The following C6orf58 variants were observed in gnomAD, a reference collection of about 807,000 sequenced individuals.
C6orf58 encodes the protein chromosome 6 open reading frame 58.
In C6orf58, 30 loss-of-function variants were observed where a neutral mutation model predicts 37.0. That is an observed-to-expected ratio of 0.81 (90% CI 0.61 to 1.10). The LOEUF (loss-of-function observed/expected upper bound fraction) is 1.10, where lower values mean the gene tolerates loss of function less well. Among genes scored for constraint, C6orf58 ranks in the 50% least tolerant of loss-of-function variants. The pLI is 0.00. For missense variants in C6orf58, 368 were observed against 387.5 expected (o/e 0.95, Z 0.42); for synonymous variants, 143 against 134.1 (o/e 1.07, Z -0.46).
At position 127,589,856 on chromosome 6, in the gene C6orf58, T is replaced by C. The variant is rs1482104597; in HGVS notation, c.675-231T>C. 2.6e-5 allele frequency among the ~76,000 whole-genome samples: 4 copies of C among 152,254 alleles called. No homozygotes were observed. In the East Asian group the frequency reaches 7.7e-4, roughly 29 times the overall value. ...CTGAATTAAAGAAGATAAAATGCAA[T>C]GTAAAATGTAAACAATTAGTGAGAT... On this transcript the variant is annotated intron_variant, in intron 4 of 5. Transcript: ENST00000329722.
chr6:127,590,211 C>T lies in C6orf58; in HGVS notation c.799C>T (p.Pro267Ser), dbSNP rs1775147650. 6.2e-7 allele frequency: 1 copy of T among 1,613,512 alleles called. No homozygotes were observed. The change falls in exon 5 of 6, where the codon CCA becomes TCA. Residue 267 changes from proline (P) to serine (S), a missense_variant. Transcript: ENST00000329722. ...IRSYKFQKGMPPRILLNTDVA... is the reference protein window; with the variant it reads ...IRSYKFQKGMSPRILLNTDVA... Reference sequence around the variant, plus strand: ...ATCATATAAGTTCCAGAAGGGCATGCCACCACGAATTCTTCTTAATACTGA... The same window carrying T: ...ATCATATAAGTTCCAGAAGGGCATGTCACCACGAATTCTTCTTAATACTGA...
At chr6:127,591,491 A>C (rs1000773437) in intron 5 of C6orf58, 52 bp from the exon 6 acceptor site, 1 of 1,443,574 alleles carries the variant, frequency 6.9e-7, no homozygotes, top group Non-Finnish European at 9.2e-7. Flanking sequence ...GCCAAAAGGT[A>C]CTTTAAAAAA....
Position 127,590,128 on chromosome 6 carries a change from G to T in C6orf58, c.716G>T (p.Ser239Ile), listed in dbSNP as rs748158523. The T allele has an allele frequency of 3.7e-6, 6 of 1,613,288 alleles. No homozygotes were observed. Among genetic ancestry groups the T allele is most frequent in the Non-Finnish European group, 5.1e-6 (6 of 1,179,514 alleles). ...YSKAEAHFER[S>I]WVLAVDHLAA... ...AAAGCAGAAGCGCATTTTGAGAGAAGTTGGGTACTGGCTGTGGATCATTTA... is the reference window on the plus strand; with the variant it reads ...AAAGCAGAAGCGCATTTTGAGAGAATTTGGGTACTGGCTGTGGATCATTTA... Residue 239 changes from serine (S) to isoleucine (I), a missense_variant, in exon 5 of 6, where the codon AGT (serine) becomes ATT (isoleucine). Physicochemically the swap from Ser to Ile is moderately radical, Grantham distance 142. Coordinates refer to ENST00000329722, the MANE Select transcript of C6orf58 (RefSeq NM_001010905.3).
At chr6:127,583,282 T>C (rs1213613443) in intron 4 of C6orf58, among the ~76,000 whole-genome samples, 1 of 152,158 alleles carries the variant, frequency 6.6e-6, no homozygotes, top group Non-Finnish European at 1.5e-5. Flanking sequence ...ATCTCTAAGA[T>C]CATGTGAGGA....
chr6:127,577,768 T>C (rs1197948593), intron 1 of C6orf58, among the ~76,000 whole-genome samples: 1 of 152,102 alleles, frequency 6.6e-6, no homozygotes, highest in Non-Finnish European at 1.5e-5. Context: ...TTCACAAATA[T>C]TTGTTGAAGT....
intron 5 of C6orf58, among the ~76,000 whole-genome samples, chr6:127,591,192 A>G (rs917274144): frequency 1.3e-5 from 2 of 152,136 alleles, no homozygotes; most frequent in African/African-American, 4.8e-5. Flanking sequence ...CTTTTTCCCA[A>G]AAATGAGTTG....
intron 4 of C6orf58, among the ~76,000 whole-genome samples, chr6:127,582,684 A>G (rs946990024): frequency 8.5e-5 from 13 of 152,184 alleles, no homozygotes; most frequent in African/African-American, 2.9e-4. Flanking sequence ...TTTTTACCCA[A>G]CAATACCCAT....
At chr6:127,585,831 T>G (rs1455769368) in intron 4 of C6orf58, among the ~76,000 whole-genome samples, 1 of 152,204 alleles carries the variant, frequency 6.6e-6, no homozygotes, top group Non-Finnish European at 1.5e-5. Flanking sequence ...TATAACTTTC[T>G]TATACATTCA....
In C6orf58 at chr6:127,591,694, AT is replaced by A. The variant is rs770779990; in HGVS notation, c.*75del. 2.3e-5 allele frequency: 29 copies of A among 1,286,052 alleles called. No individual in the cohort carries two copies. The highest frequency in any genetic ancestry group is 3.0e-5 in the Non-Finnish European group (29 of 977,274). The allele number at this position is 1,286,052 out of a possible 1,614,324, so 79.7% of individuals were successfully genotyped here. ...AAAAACTCGAACTTGACAATCAGTA[AT>A]TTCAAAAAATTAATGTCATCATGAC... On this transcript the variant is annotated 3_prime_UTR_variant, in exon 6 of 6. Transcript: ENST00000329722.
At chr6:127,588,218 C>T (rs1055356842) in intron 4 of C6orf58, among the ~76,000 whole-genome samples, 2 of 152,156 alleles carry the variant, frequency 1.3e-5, no homozygotes, top group African/African-American at 4.8e-5. Context: ...GAAAGAATAA[C>T]CAAATTGTGA....
chr6:127,582,487 C>T lies in C6orf58; in HGVS notation c.674+1205C>T, dbSNP rs532703935. ...AAGTACAGGAGGGAGTGTTAGCTAG[C>T]GCACATATTCCTCCCTAAAGGTAGT... On this transcript the variant is annotated intron_variant, in intron 4 of 5. Transcript: ENST00000329722. Among the ~76,000 whole-genome samples the T allele has an allele frequency of 1.9e-4, 29 of 152,312 alleles. No homozygotes were observed. In the South Asian group the frequency reaches 5.6e-3, roughly 29 times the overall value.
intron 4 of C6orf58, among the ~76,000 whole-genome samples, chr6:127,586,645 A>C (rs1447356511): frequency 5.9e-5 from 9 of 152,212 alleles, no homozygotes; most frequent in South Asian, 2.1e-4. Flanking sequence ...GGTTCCAATA[A>C]CTTCAAGTCT....
chr6:127,577,587 T>G (rs1583126714), intron 1 of C6orf58, 101 bp downstream of exon 1: 1 of 965,738 alleles, frequency 1.0e-6, no homozygotes, highest in Non-Finnish European at 1.6e-6. Flanking sequence ...TTTTAAAAAT[T>G]GATTCTTTAT....
At chr6:127,583,563 A>G (rs972257951) in intron 4 of C6orf58, among the ~76,000 whole-genome samples, 1 of 152,164 alleles carries the variant, frequency 6.6e-6, no homozygotes, top group Non-Finnish European at 1.5e-5. Flanking sequence ...ATGGGTGTAC[A>G]GTCCCAGGGG....
intron 3 of C6orf58, among the ~76,000 whole-genome samples, chr6:127,580,784 A>G (rs1262288517): frequency 6.6e-6 from 1 of 152,106 alleles, no homozygotes; most frequent in African/African-American, 2.4e-5. Flanking sequence ...GACTAAAATC[A>G]ATGAAGAAAA....
chr6:127,590,188 C>T lies in C6orf58; in HGVS notation c.776C>T (p.Ser259Leu). The T allele has an allele frequency of 6.2e-7, 1 of 1,613,758 alleles. No individual in the cohort carries two copies. Among genetic ancestry groups the T allele is most frequent in the Non-Finnish European group, 8.5e-7 (1 of 1,179,780 alleles). ...CTCTTTCCTACAACCTTGATTAGAT[C>T]ATATAAGTTCCAGAAGGGCATGCCA... ...AVLFPTTLIR[S>L]YKFQKGMPPR... The change falls in exon 5 of 6, where the codon TCA (serine) becomes TTA (leucine). Residue 259 changes from serine (S) to leucine (L), a missense_variant. By Grantham distance (145) the Ser-to-Leu change is moderately radical. Transcript: ENST00000329722.
At chr6:127,591,330 C>T (rs972998259) in intron 5 of C6orf58, among the ~76,000 whole-genome samples, 5 of 152,000 alleles carry the variant, frequency 3.3e-5, no homozygotes, top group South Asian at 4.1e-4. Flanking sequence ...ATAGAAAGAA[C>T]GTGAAGTAAA....
chr6:127,586,514 G>A (rs1023137941), intron 4 of C6orf58, among the ~76,000 whole-genome samples: 9 of 152,186 alleles, frequency 5.9e-5, no homozygotes, highest in Admixed American at 5.9e-4. Context: ...GCTCAGACAA[G>A]GCCCTGGGCA....
Position 127,581,205 on chromosome 6 carries a change from G to T in C6orf58, c.597G>T (p.Lys199Asn). Residue 199 changes from lysine (K) to asparagine (N), a missense_variant, in exon 4 of 6, where the codon AAG becomes AAT. By Grantham distance (94) the Lys-to-Asn change is moderately conservative. Coordinates refer to ENST00000329722, the MANE Select transcript of C6orf58 (RefSeq NM_001010905.3). ...FYQYLQSPFS[K>N]FDDLLKYLWA... ...AGTATTTGCAGTCACCTTTTAGTAA[G>T]TTTGATGATCTGTTGAAGTACTTAT... 6.6e-7 allele frequency: 1 copy of T among 1,514,574 alleles called. No homozygotes were observed. Among genetic ancestry groups the T allele is most frequent in the Non-Finnish European group, 8.9e-7 (1 of 1,125,438 alleles). 93.8% of individuals were successfully genotyped at this position (1,514,574 alleles called of 1,614,324 possible).
Sources: gnomAD v4.1 joint callset for allele counts (sites outside exome capture counted in the v4.1 genomes callset) on GRCh38, gnomAD v4.1.1 for gene constraint, MANE v1.5 for transcripts, NCBI Gene and HGNC (gene_info 2026-07-23, HGNC 2026-07-21) for gene names.